FAM117B: variants seen among roughly 807,000 people sequenced by gnomAD.
The protein encoded by FAM117B is protein FAM117B.
A neutral mutation model predicts 52.8 loss-of-function variants in FAM117B; 22 were observed. The ratio of observed to expected loss-of-function variants is 0.42; its 90% CI spans 0.30 to 0.59. The LOEUF (loss-of-function observed/expected upper bound fraction) is 0.59. FAM117B is among the 20% of genes least tolerant of loss of function. The pLI, the probability that FAM117B is intolerant of heterozygous loss-of-function variation, is 0.22. For missense variants in FAM117B, 678 were observed against 802.6 expected (o/e 0.84, Z 1.88); for synonymous variants, 309 against 324.1 (o/e 0.95, Z 0.50).
At chr2:202,645,402 G>T (rs933475069) in intron 1 of FAM117B, among the ~76,000 whole-genome samples, 12 of 149,986 alleles carry the variant, frequency 8.0e-5, no homozygotes, top group Non-Finnish European at 1.5e-4. Flanking sequence ...CCATTCTCCT[G>T]CCTCAGCCTC....
intron 1 of FAM117B, among the ~76,000 whole-genome samples, chr2:202,648,522 C>CA (rs911555215): frequency 3.1e-5 from 4 of 127,436 alleles, no homozygotes; most frequent in Admixed American, 1.6e-4. Context: ...GTCCCCACCC[C>CA]CCCCCCAAAA....
At chr2:202,691,649 T>TTGTGTGTGTGTGTGTG (rs199855927) in intron 1 of FAM117B, among the ~76,000 whole-genome samples, 9 of 126,862 alleles carry the variant, frequency 7.1e-5, no homozygotes, top group Non-Finnish European at 1.2e-4. Flanking sequence ...CCAGTTTACA[T>TTGTGTGTGTGTGTGTG]TGTGTGTGTG....
rs562306709 is a variant in FAM117B, at chr2:202,765,840, G to A, written c.*76G>A. On this transcript the variant is annotated 3_prime_UTR_variant, in exon 8 of 8. Transcript: ENST00000392238. ...TCACTGGATTCTGATGGCATCGTGC[G>A]CTTCTGGTCGGCTGTGATGTGCTCC... is the stretch of plus-strand genomic sequence containing the variant. 49 of 1,433,378 alleles carry A rather than the reference G, an allele frequency of 3.4e-5. No individual in the cohort carries two copies. The highest frequency in any genetic ancestry group is 1.2e-4 in the South Asian group (9 of 73,464). 88.8% of individuals were successfully genotyped at this position (1,433,378 alleles called of 1,614,324 possible).
In FAM117B at chr2:202,715,817, C is replaced by T. The variant is rs553384175; in HGVS notation, c.754-9100C>T. Among the ~76,000 whole-genome samples, 9 of 152,358 alleles carry T rather than the reference C, an allele frequency of 5.9e-5. No homozygotes were observed. The South Asian group carries it at 1.0e-3, about 18-fold the overall frequency. On this transcript the variant is annotated intron_variant, in intron 2 of 7. Transcript: ENST00000392238. ...ATTGAGCACTGAGTGAATGAGACTC[C>T]GTCTGCAATCCCGGCACCTCGGGAG...
intron 4 of FAM117B, among the ~76,000 whole-genome samples, chr2:202,734,286 C>T (rs1194703873): frequency 6.6e-6 from 1 of 152,090 alleles, no homozygotes; most frequent in Non-Finnish European, 1.5e-5. Flanking sequence ...ACTAGGGAGG[C>T]TGAGGTGGGG....
chr2:202,653,522 G>A (rs1205128546), intron 1 of FAM117B, among the ~76,000 whole-genome samples: 1 of 152,060 alleles, frequency 6.6e-6, no homozygotes, highest in Non-Finnish European at 1.5e-5. Context: ...TTGTGTATTC[G>A]TTCTCTATTA....
At chr2:202,704,247 A>T (rs1304804823) in intron 2 of FAM117B, among the ~76,000 whole-genome samples, 1 of 152,250 alleles carries the variant, frequency 6.6e-6, no homozygotes, top group Admixed American at 6.5e-5. Flanking sequence ...TCTGGCACCT[A>T]GTAAGCATTC....
At chr2:202,670,758 G>C (rs1406196949) in intron 1 of FAM117B, among the ~76,000 whole-genome samples, 1 of 152,178 alleles carries the variant, frequency 6.6e-6, no homozygotes, top group Non-Finnish European at 1.5e-5. Context: ...CCATTTCAGA[G>C]TCAGTTACTG....
At chr2:202,759,504 A>C (rs2105800588) in intron 7 of FAM117B, 151 bp downstream of exon 7, 5 of 981,858 alleles carry the variant, frequency 5.1e-6, no homozygotes, top group East Asian at 2.9e-5. Context: ...TTATCTTCCC[A>C]CCTCAACCTC....
intron 1 of FAM117B, among the ~76,000 whole-genome samples, chr2:202,672,995 C>T (rs1263071295): frequency 1.3e-5 from 2 of 152,182 alleles, no homozygotes; most frequent in Non-Finnish European, 2.9e-5. Context: ...CTACGGTAAA[C>T]TGCGTTCACG....
At position 202,769,351 on chromosome 2, in the gene FAM117B, A is replaced by C. The variant is rs865882694; in HGVS notation, c.*3587A>C. On this transcript the variant is annotated 3_prime_UTR_variant, in exon 8 of 8. Transcript: ENST00000392238. ...GCATTTACTTTACTATTGTAAACTT[A>C]AGATTCATTCCTTAGTCTTTGGAAT... The C allele has an allele frequency of 6.6e-6, 1 of 152,650 alleles. No individual in the cohort carries two copies. The highest frequency in any genetic ancestry group is 2.1e-4 in the South Asian group (1 of 4,834). 9.5% of individuals were successfully genotyped at this position (152,650 alleles called of 1,614,324 possible).
intron 2 of FAM117B, among the ~76,000 whole-genome samples, chr2:202,706,037 A>G (rs1263034837): frequency 6.6e-6 from 1 of 152,062 alleles, no homozygotes; most frequent in Non-Finnish European, 1.5e-5. Flanking sequence ...TTTAGAGACA[A>G]GGTCTCACTG....
chr2:202,682,765 C>T (rs535274803), intron 1 of FAM117B, among the ~76,000 whole-genome samples: 16 of 152,256 alleles, frequency 1.1e-4, no homozygotes, highest in Admixed American at 2.6e-4. Flanking sequence ...TGAAAAATCT[C>T]AAATATTTTT....
At chr2:202,739,915 T>C (rs1335081123) in intron 4 of FAM117B, among the ~76,000 whole-genome samples, 1 of 151,990 alleles carries the variant, frequency 6.6e-6, no homozygotes, top group African/African-American at 2.4e-5. Flanking sequence ...CTCACACCTG[T>C]AATCTCAGCA....
chr2:202,679,229 G>A (rs950935931), intron 1 of FAM117B, among the ~76,000 whole-genome samples: 6 of 152,296 alleles, frequency 3.9e-5, no homozygotes, highest in South Asian at 4.1e-4. Context: ...GGGAAACATA[G>A]TAAGGTGAGC....
At chr2:202,723,604 A>AT (rs1193613819) in intron 2 of FAM117B, among the ~76,000 whole-genome samples, 1 of 152,180 alleles carries the variant, frequency 6.6e-6, no homozygotes, top group East Asian at 1.9e-4. Context: ...TTCCTTATTC[A>AT]TTTTTATAGC....
intron 1 of FAM117B, among the ~76,000 whole-genome samples, chr2:202,659,098 C>T (rs768409503): frequency 3.9e-5 from 6 of 151,950 alleles, no homozygotes; most frequent in Non-Finnish European, 2.9e-5. Context: ...CTCTGCCTCC[C>T]GGGTTCAAGC....
chr2:202,759,137 C>G lies in FAM117B; in HGVS notation c.1331-96C>G, dbSNP rs1385557620. 19 of 1,331,632 alleles carry G rather than the reference C, an allele frequency of 1.4e-5. No individual in the cohort carries two copies. The East Asian group carries it at 2.8e-4, about 20-fold the overall frequency. 82.5% of individuals were successfully genotyped at this position (1,331,632 alleles called of 1,614,324 possible). On this transcript the variant is annotated intron_variant, in intron 6 of 7. Transcript: ENST00000392238. ...CTCCTTGATTAATAAAGCACTGTTC[C>G]TGCCCTCAAGTAGTTCATGGTGGGC... is the stretch of plus-strand genomic sequence containing the variant.
intron 2 of FAM117B, among the ~76,000 whole-genome samples, chr2:202,720,491 A>C (rs547110672): frequency 6.6e-6 from 1 of 151,834 alleles, no homozygotes; most frequent in African/African-American, 2.4e-5. Flanking sequence ...TTTGATATGT[A>C]TCTCCTAAGA....
Sources: gnomAD v4.1 joint callset for allele counts (sites outside exome capture counted in the v4.1 genomes callset) on GRCh38, gnomAD v4.1.1 for gene constraint, MANE v1.5 for transcripts, NCBI Gene and HGNC (gene_info 2026-07-23, HGNC 2026-07-21) for gene names.